The following TENM3 variants were observed in gnomAD, a reference collection of about 807,000 sequenced individuals.
TENM3 encodes teneurin transmembrane protein 3.
TENM3 carries 63 observed loss-of-function variants against 255.1 expected under a neutral mutation model. The ratio of observed to expected loss-of-function variants is 0.25; its 90% CI spans 0.20 to 0.30. The LOEUF (loss-of-function observed/expected upper bound fraction) is 0.30, where lower values mean the gene tolerates loss of function less well. Ranked by LOEUF, TENM3 falls within the 10% of genes least tolerant of loss-of-function variation. The pLI is 1.00. For synonymous variants in TENM3, 1,306 were observed against 1,322.3 expected (o/e 0.99, Z 0.27); for missense variants, 2,929 against 3,461.1 (o/e 0.85, Z 3.86).
the TENM3 span, among the ~76,000 whole-genome samples, chr4:181,647,201 A>G: frequency 6.6e-6 from 1 of 152,222 alleles, no homozygotes; most frequent in Admixed American, 6.5e-5. Context: ...AACTTCACAG[A>G]TAAATTTTTA....
chr4:182,214,899 G>C (rs1279393844), intron 1 of TENM3, among the ~76,000 whole-genome samples: 1 of 152,132 alleles, frequency 6.6e-6, no homozygotes, highest in East Asian at 1.9e-4. Flanking sequence ...GACATTATCA[G>C]TATGTAAGAA....
chr4:182,377,399 C>T (rs373150599), intron 3 of TENM3, among the ~76,000 whole-genome samples: 39 of 152,248 alleles, frequency 2.6e-4, no homozygotes, highest in African/African-American at 9.1e-4. Flanking sequence ...CTGCAACCTC[C>T]ACCTCCTGGG....
At chr4:181,470,511 A>G in the TENM3 span, among the ~76,000 whole-genome samples, 1 of 152,170 alleles carries the variant, frequency 6.6e-6, no homozygotes, top group Non-Finnish European at 1.5e-5. Context: ...ACAAAATTCC[A>G]AAAACACGTG....
intron 3 of TENM3, among the ~76,000 whole-genome samples, chr4:182,526,194 A>G (rs1739153265): frequency 6.6e-6 from 1 of 151,778 alleles, no homozygotes; most frequent in African/African-American, 2.4e-5. Context: ...GTTAGCCAGG[A>G]TGGGCTCGAT....
At chr4:182,186,308 G>A (rs1487662028) in intron 1 of TENM3, among the ~76,000 whole-genome samples, 1 of 152,032 alleles carries the variant, frequency 6.6e-6, no homozygotes, top group African/African-American at 2.4e-5. Context: ...GGGGCCAAGA[G>A]ATGAAAATAC....
chr4:182,604,364 A>C (rs1212043647), intron 4 of TENM3, among the ~76,000 whole-genome samples: 1 of 152,328 alleles, frequency 6.6e-6, no homozygotes, highest in Admixed American at 6.5e-5. Context: ...GTATAATACC[A>C]AGTGCTTGCT....
chr4:181,725,416 CTTTCT>C, the TENM3 span, among the ~76,000 whole-genome samples: 1 of 69,218 alleles, frequency 1.4e-5, no homozygotes, highest in Non-Finnish European at 2.8e-5. Flanking sequence ...CATTCTTTTT[CTTTCT>C]TTTTTTTTTT....
the TENM3 span, among the ~76,000 whole-genome samples, chr4:182,102,894 A>G: frequency 6.6e-6 from 1 of 152,224 alleles, no homozygotes; most frequent in Non-Finnish European, 1.5e-5. Context: ...TCTGGCATTC[A>G]GTAAGTGCTC....
chr4:182,674,107 A>G (rs1186757161), intron 7 of TENM3, among the ~76,000 whole-genome samples: 1 of 152,206 alleles, frequency 6.6e-6, no homozygotes, highest in Non-Finnish European at 1.5e-5. Flanking sequence ...ATTAAAATTG[A>G]CAGTAGGATG....
intron 1 of TENM3, among the ~76,000 whole-genome samples, chr4:182,197,888 T>C (rs1274742375): frequency 1.3e-5 from 2 of 152,156 alleles, no homozygotes; most frequent in Non-Finnish European, 2.9e-5. Flanking sequence ...TCGGATCACC[T>C]GAGGTCAGGA....
chr4:182,206,279 A>T (rs1210003772), intron 1 of TENM3, among the ~76,000 whole-genome samples: 3 of 152,046 alleles, frequency 2.0e-5, no homozygotes, highest in Admixed American at 2.0e-4. Context: ...CTATTGTCAG[A>T]TTTGTTTTCC....
At chr4:182,202,886 C>T (rs539202216) in intron 1 of TENM3, among the ~76,000 whole-genome samples, 23 of 152,208 alleles carry the variant, frequency 1.5e-4, no homozygotes, top group South Asian at 1.5e-3. Context: ...AAAGCCTACA[C>T]GATCCCCAAG....
At chr4:182,780,133 G>A (rs570664372) in intron 24 of TENM3, among the ~76,000 whole-genome samples, 1 of 152,160 alleles carries the variant, frequency 6.6e-6, no homozygotes, top group African/African-American at 2.4e-5. Context: ...CCTTGCGCAT[G>A]CCTATGTCCT....
chr4:182,158,671 T>G (rs1445483811), intron 1 of TENM3, among the ~76,000 whole-genome samples: 1 of 152,164 alleles, frequency 6.6e-6, no homozygotes, highest in African/African-American at 2.4e-5. Flanking sequence ...AGGCCTATCC[T>G]TTGTCCTTGC....
the TENM3 span, among the ~76,000 whole-genome samples, chr4:182,022,400 G>C: frequency 6.6e-6 from 1 of 152,088 alleles, no homozygotes; most frequent in Non-Finnish European, 1.5e-5. Flanking sequence ...TAAAAGGAGG[G>C]AAGTGGGGAA....
the TENM3 span, among the ~76,000 whole-genome samples, chr4:182,052,350 C>T: frequency 3.3e-5 from 5 of 152,080 alleles, no homozygotes; most frequent in South Asian, 4.2e-4. Context: ...GAGAAGGAAA[C>T]GGTAAACATG....
the TENM3 span, among the ~76,000 whole-genome samples, chr4:181,634,695 A>G: frequency 6.6e-6 from 1 of 152,176 alleles, no homozygotes; most frequent in Non-Finnish European, 1.5e-5. Context: ...CATAATTTAC[A>G]TCAAAATTTC....
intron 13 of TENM3, among the ~76,000 whole-genome samples, chr4:182,725,369 A>G (rs1338748852): frequency 6.6e-6 from 1 of 152,136 alleles, no homozygotes; most frequent in Non-Finnish European, 1.5e-5. Context: ...GCAGTAGGTC[A>G]ACAGTCTACT....
chr4:182,167,343 T>A (rs1751786183), intron 1 of TENM3, among the ~76,000 whole-genome samples: 1 of 152,190 alleles, frequency 6.6e-6, no homozygotes, highest in African/African-American at 2.4e-5. Flanking sequence ...AAGTATAAAT[T>A]TTACATAATT....
Sources: gnomAD v4.1 joint callset for allele counts (sites outside exome capture counted in the v4.1 genomes callset) on GRCh38, gnomAD v4.1.1 for gene constraint, MANE v1.5 for transcripts, NCBI Gene and HGNC (gene_info 2026-07-23, HGNC 2026-07-21) for gene names.